Variants in CDKN2B-AS1 observed in about 807,000 individuals in gnomAD.
The protein encoded by CDKN2B-AS1 is CDKN2B antisense RNA 1 (non-protein coding).
chr9:22,017,147 C>T (rs1424451887), intron 1 of CDKN2B-AS1, among the ~76,000 whole-genome samples: 4 of 152,190 alleles, frequency 2.6e-5, no homozygotes, highest in South Asian at 2.1e-4. Flanking sequence ...AGGAAGTTGG[C>T]GAGGCGCAGT....
intron 4 of CDKN2B-AS1, among the ~76,000 whole-genome samples, chr9:22,077,284 T>A (rs992661028): frequency 1.3e-5 from 2 of 152,148 alleles, no homozygotes; most frequent in African/African-American, 4.8e-5. Flanking sequence ...TAACATACAA[T>A]GAATGTAAAA....
At chr9:22,125,313 A>C (rs538336521) in intron 4 of CDKN2B-AS1, among the ~76,000 whole-genome samples, 2 of 152,246 alleles carry the variant, frequency 1.3e-5, no homozygotes, top group Non-Finnish European at 2.9e-5. Flanking sequence ...ATATCCAATA[A>C]AGAATGACCT....
At chr9:22,018,878 A>G (rs1454297671) in intron 1 of CDKN2B-AS1, among the ~76,000 whole-genome samples, 1 of 152,234 alleles carries the variant, frequency 6.6e-6, no homozygotes, top group Non-Finnish European at 1.5e-5. Flanking sequence ...GTGATAAACA[A>G]TTCAGAGAGT....
intron 4 of CDKN2B-AS1, among the ~76,000 whole-genome samples, chr9:22,060,524 T>C (rs966221187): frequency 3.3e-5 from 5 of 152,232 alleles, no homozygotes; most frequent in Admixed American, 3.3e-4. Context: ...ATTCTAAGCA[T>C]TCCCACATTT....
rs1383832882 is a variant in CDKN2B-AS1, at chr9:22,039,627, A to T, written n.30-7124A>T. Among the ~76,000 whole-genome samples, 1 of 152,018 alleles carries T rather than the reference A, an allele frequency of 6.6e-6. No homozygotes were observed. Among genetic ancestry groups the T allele is most frequent in the East Asian group, 1.9e-4 (1 of 5,176 alleles). On this transcript the variant is annotated intron_variant and non_coding_transcript_variant, in intron 1 of 4. Transcript: ENST00000650946. This position sits in a 1 kb window ranked among gnomAD's most constrained non-coding sequence, Gnocchi z 4.4. ...ATGGCAGCTTATAGTAGTTATTTGG[A>T]TAATTTATATAGTCTCTTAAAAAAA...
intron 4 of CDKN2B-AS1, among the ~76,000 whole-genome samples, chr9:22,106,186 C>T (rs962336941): frequency 6.6e-6 from 1 of 152,068 alleles, no homozygotes; most frequent in Non-Finnish European, 1.5e-5. Flanking sequence ...GGGTTCAAGC[C>T]ATTCTCCTGC....
chr9:22,121,588 G>C (rs530774646), intron 4 of CDKN2B-AS1, among the ~76,000 whole-genome samples: 1 of 151,714 alleles, frequency 6.6e-6, no homozygotes, highest in Non-Finnish European at 1.5e-5. Context: ...AGTATCCTCT[G>C]TTCTACTTTT....
At chr9:22,077,500 CA>C (rs1824540913) in intron 4 of CDKN2B-AS1, among the ~76,000 whole-genome samples, 1 of 152,158 alleles carries the variant, frequency 6.6e-6, no homozygotes, top group South Asian at 2.1e-4. Context: ...ATCAGTTTAT[CA>C]GTTTAATATA....
chr9:22,016,039 G>A (rs1175266437), intron 1 of CDKN2B-AS1, among the ~76,000 whole-genome samples: 5 of 152,114 alleles, frequency 3.3e-5, no homozygotes, highest in Non-Finnish European at 5.9e-5. Flanking sequence ...CTCCCATTTT[G>A]TAGGTTGCCT....
chr9:22,027,251 T>G (rs1189885836), intron 1 of CDKN2B-AS1, among the ~76,000 whole-genome samples: 2 of 152,116 alleles, frequency 1.3e-5, no homozygotes, highest in Non-Finnish European at 2.9e-5. Context: ...TCATTATGAA[T>G]TTTTTTACAT....
intron 1 of CDKN2B-AS1, among the ~76,000 whole-genome samples, chr9:22,007,733 AG>A (rs1317346716): frequency 6.6e-6 from 1 of 152,208 alleles, no homozygotes; most frequent in African/African-American, 2.4e-5. Flanking sequence ...ATAGAAAAAA[AG>A]GGGAAAATAG....
intron 1 of CDKN2B-AS1, among the ~76,000 whole-genome samples, chr9:22,028,883 A>G (rs1484900886): frequency 6.6e-6 from 1 of 152,206 alleles, no homozygotes; most frequent in Admixed American, 6.5e-5. Context: ...AATTGTAACA[A>G]TGATAAATAT....
At chr9:22,108,864 T>C (rs1825729530) in intron 4 of CDKN2B-AS1, among the ~76,000 whole-genome samples, 1 of 152,140 alleles carries the variant, frequency 6.6e-6, no homozygotes, top group Non-Finnish European at 1.5e-5. Flanking sequence ...GTTTAGTTTT[T>C]GTTCAAAAGC....
At chr9:22,018,267 T>G (rs1200963047) in intron 1 of CDKN2B-AS1, among the ~76,000 whole-genome samples, 2 of 142,742 alleles carry the variant, frequency 1.4e-5, no homozygotes, top group Non-Finnish European at 3.1e-5. Flanking sequence ...GAGGTTGAGT[T>G]TTCTCCACAG....
chr9:22,004,568 A>C (rs1013133835), intron 1 of CDKN2B-AS1: 3 of 232,372 alleles, frequency 1.3e-5, no homozygotes, highest in Non-Finnish European at 2.6e-5. Context: ...CTTGGAGTTC[A>C]ATCTCTGTTA....
At chr9:22,089,700 T>A (rs1487951085) in intron 4 of CDKN2B-AS1, among the ~76,000 whole-genome samples, 2 of 152,112 alleles carry the variant, frequency 1.3e-5, no homozygotes, top group African/African-American at 4.8e-5. Flanking sequence ...TCCTCCTACC[T>A]CAGCCTCCCA....
chr9:22,019,541 G>T (rs1821932340), intron 1 of CDKN2B-AS1, among the ~76,000 whole-genome samples: 1 of 152,206 alleles, frequency 6.6e-6, no homozygotes, highest in Non-Finnish European at 1.5e-5. Context: ...GGTAGGGAAT[G>T]CTGGATGAGG....
intron 1 of CDKN2B-AS1, among the ~76,000 whole-genome samples, chr9:22,036,861 A>G (rs1447896442): frequency 6.6e-6 from 1 of 152,064 alleles, no homozygotes; most frequent in Non-Finnish European, 1.5e-5. Flanking sequence ...GTGTAACTCA[A>G]AATCCACCAA....
chr9:21,998,631 G>GT (rs1012297382), intron 1 of CDKN2B-AS1, among the ~76,000 whole-genome samples: 2 of 152,086 alleles, frequency 1.3e-5, no homozygotes, highest in African/African-American at 2.4e-5. Flanking sequence ...AGTTAATTGA[G>GT]TTTTTTTTAA....
Sources: allele counts gnomAD v4.1 joint callset (sites outside exome capture counted in the v4.1 genomes callset), GRCh38; gene constraint gnomAD v4.1.1; non-coding constraint Gnocchi (gnomAD v3.1); transcripts MANE v1.5; gene names NCBI Gene and HGNC (gene_info 2026-07-23, HGNC 2026-07-21).